KIF6: variants seen among roughly 807,000 people sequenced by gnomAD.
The protein encoded by KIF6 is kinesin family member 6.
A neutral mutation model predicts 112.7 loss-of-function variants in KIF6; 106 were observed. That is an observed-to-expected ratio of 0.94 (90% CI 0.80 to 1.11). KIF6 has a LOEUF of 1.11. Among genes scored for constraint, KIF6 ranks in the 50% least tolerant of loss-of-function variants. The pLI is 0.00. For missense variants in KIF6, 929 were observed against 964.0 expected, an observed-to-expected ratio of 0.96 and a Z score of 0.48; for synonymous variants, 339 against 339.9, an observed-to-expected ratio of 1.00 and a Z score of 0.03.
intron 15 of KIF6, among the ~76,000 whole-genome samples, chr6:39,392,304 T>C (rs1767957896): frequency 6.6e-6 from 1 of 152,204 alleles, no homozygotes; most frequent in Non-Finnish European, 1.5e-5. Flanking sequence ...AACAACTGGA[T>C]TGCACCTCAC....
At chr6:39,365,515 G>A (rs1765494183) in intron 16 of KIF6, among the ~76,000 whole-genome samples, 1 of 152,218 alleles carries the variant, frequency 6.6e-6, no homozygotes. Flanking sequence ...GTGACTCAGT[G>A]CCTCGCATGT....
At chr6:39,436,287 C>A (rs1256614645) in intron 13 of KIF6, among the ~76,000 whole-genome samples, 1 of 151,924 alleles carries the variant, frequency 6.6e-6, no homozygotes, top group Admixed American at 6.6e-5. Flanking sequence ...GCATAGTTTG[C>A]AAATATTTTC....
chr6:39,463,295 T>C (rs543748312), intron 13 of KIF6, among the ~76,000 whole-genome samples: 19 of 152,302 alleles, frequency 1.2e-4, no homozygotes, highest in Middle Eastern at 3.4e-3. Flanking sequence ...TTAAATACTA[T>C]GTAAGCCTCT....
chr6:39,622,751 C>A (rs1032558718), intron 5 of KIF6, among the ~76,000 whole-genome samples: 2 of 152,220 alleles, frequency 1.3e-5, no homozygotes, highest in African/African-American at 4.8e-5. Flanking sequence ...GCTTCCTGGA[C>A]ATGAGCAGCC....
chr6:39,481,947 A>C (rs1182844819), intron 13 of KIF6, among the ~76,000 whole-genome samples: 1 of 151,388 alleles, frequency 6.6e-6, no homozygotes, highest in Non-Finnish European at 1.5e-5. Context: ...TCTGTGCTTA[A>C]CTCAGATTCT....
intron 13 of KIF6, among the ~76,000 whole-genome samples, chr6:39,443,090 G>T (rs1046566119): frequency 6.7e-6 from 1 of 148,960 alleles, no homozygotes; most frequent in Non-Finnish European, 1.5e-5. Context: ...CTCCAGCCTG[G>T]GCGACAGAGT....
intron 15 of KIF6, among the ~76,000 whole-genome samples, chr6:39,413,949 A>G (rs1278197235): frequency 6.6e-6 from 1 of 152,216 alleles, no homozygotes; most frequent in Non-Finnish European, 1.5e-5. Flanking sequence ...TGAATCATTT[A>G]ATAAATCAAA....
intron 5 of KIF6, among the ~76,000 whole-genome samples, chr6:39,619,788 C>T (rs1339607510): frequency 6.6e-6 from 1 of 152,114 alleles, no homozygotes; most frequent in African/African-American, 2.4e-5. Context: ...TTATTAGTCA[C>T]TATAATTTAA....
intron 13 of KIF6, among the ~76,000 whole-genome samples, chr6:39,506,876 C>T (rs1460746689): frequency 6.6e-6 from 1 of 152,138 alleles, no homozygotes; most frequent in Non-Finnish European, 1.5e-5. Flanking sequence ...TTAAGAGCTT[C>T]TGGGCTGGTG....
chr6:39,588,019 C>T (rs924977747), intron 7 of KIF6, among the ~76,000 whole-genome samples: 18 of 152,206 alleles, frequency 1.2e-4, no homozygotes, highest in Admixed American at 9.2e-4. Context: ...ACTTTGTTCA[C>T]GTGGTAACTG....
chr6:39,385,756 GA>G (rs10655582), intron 15 of KIF6, 84 bp from the exon 16 acceptor site: 50,137 of 494,054 alleles, frequency 0.1, 1,021 homozygotes, highest in Non-Finnish European at 0.11. Flanking sequence ...GCAAGCTACA[GA>G]AAAAAAAAAA....
chr6:39,719,013 C>G (rs1342041635), intron 2 of KIF6, among the ~76,000 whole-genome samples: 1 of 151,988 alleles, frequency 6.6e-6, no homozygotes, highest in African/African-American at 2.4e-5. Context: ...ACAAAAAAAG[C>G]AAATAAGAAT....
At position 39,409,034 on chromosome 6, in the gene KIF6, T is replaced by C. The variant is rs9471094; in HGVS notation, c.1810+10914A>G. ...ATCCCTTACTAGCAATAAAGGAATA[T>C]TGCGTATGAATATGAGCAATATTCA... On this transcript the variant is annotated intron_variant, in intron 15 of 22. Coordinates refer to ENST00000287152, the MANE Select transcript of KIF6 (RefSeq NM_145027.6). Among the ~76,000 whole-genome samples, 133 of 152,304 alleles carry C rather than the reference T, an allele frequency of 8.7e-4. 1 individual carries two copies. The highest frequency in any genetic ancestry group is 3.0e-3 in the African/African-American group (124 of 41,578).
chr6:39,332,970 TG>T lies in KIF6; in HGVS notation c.*3561del, dbSNP rs1456552371. On this transcript the variant is annotated 3_prime_UTR_variant, in exon 23 of 23. Transcript: ENST00000287152. Reference sequence around the variant, plus strand: ...TGAAAACTCACTGCAGGCAGTAAGTTGGAGCAATCATAGGGCTCCCCTCACT... The same window carrying T: ...TGAAAACTCACTGCAGGCAGTAAGTTGAGCAATCATAGGGCTCCCCTCACT... 2.0e-5 allele frequency: 3 copies of T among 152,042 alleles called. No homozygotes were observed. The highest frequency in any genetic ancestry group is 4.4e-5 in the Non-Finnish European group (3 of 67,976). The allele number at this position is 152,042 out of a possible 1,614,324, so 9.4% of individuals were successfully genotyped here. A position where few individuals can be genotyped will look rare whatever the true frequency, so the allele number is the denominator to read the frequency against.
chr6:39,431,049 T>C lies in KIF6; in HGVS notation c.1754+4A>G, dbSNP rs534461163. ...GGACCAGCTGCTCTCTGAGACAGCC[T>C]TACCTCTGTTTCAGAATCTGTTTGT... On this transcript the variant is annotated splice_donor_region_variant and intron_variant, in intron 14 of 22. Transcript: ENST00000287152. 73 of 1,595,154 alleles carry C rather than the reference T, an allele frequency of 4.6e-5. 1 individual carries two copies. In the East Asian group the frequency reaches 1.5e-3, roughly 33 times the overall value.
intron 13 of KIF6, among the ~76,000 whole-genome samples, chr6:39,510,367 C>T (rs557776024): frequency 6.6e-6 from 1 of 152,284 alleles, no homozygotes; most frequent in East Asian, 1.9e-4. Flanking sequence ...GCTGGGATTA[C>T]AGGCGTGAGC....
chr6:39,620,056 C>T (rs918871465), intron 5 of KIF6, among the ~76,000 whole-genome samples: 10 of 152,116 alleles, frequency 6.6e-5, no homozygotes, highest in African/African-American at 2.4e-4. Context: ...TCATCATTTG[C>T]ATGCTTTTCC....
intron 15 of KIF6, among the ~76,000 whole-genome samples, chr6:39,409,683 T>C (rs1031489249): frequency 6.6e-6 from 1 of 152,210 alleles, no homozygotes; most frequent in African/African-American, 2.4e-5. Flanking sequence ...TGTTACCACA[T>C]GAAGCCAGCA....
At chr6:39,388,934 T>G (rs916163462) in intron 15 of KIF6, among the ~76,000 whole-genome samples, 4 of 152,196 alleles carry the variant, frequency 2.6e-5, no homozygotes, top group Non-Finnish European at 5.9e-5. Flanking sequence ...GGAGTGTCCA[T>G]AATTAGTAAT....
Sources: allele counts gnomAD v4.1 joint callset (sites outside exome capture counted in the v4.1 genomes callset), GRCh38; gene constraint gnomAD v4.1.1; transcripts MANE v1.5; gene names NCBI Gene and HGNC (gene_info 2026-07-23, HGNC 2026-07-21).